SEPTIN7: variants seen among roughly 807,000 people sequenced by gnomAD.
SEPTIN7 encodes septin 7.
In SEPTIN7, 10 loss-of-function variants were observed where a neutral mutation model predicts 63.3. The observed-to-expected ratio is 0.16, with a 90% CI of 0.10 to 0.27. The LOEUF (loss-of-function observed/expected upper bound fraction) is 0.27. Ranked by LOEUF, SEPTIN7 falls within the 10% of genes least tolerant of loss-of-function variation. The pLI, the probability that SEPTIN7 is intolerant of heterozygous loss-of-function variation, is 1.00. For missense variants in SEPTIN7, 310 were observed against 521.0 expected (o/e 0.59, Z 3.94); for synonymous variants, 131 against 165.3 (o/e 0.79, Z 1.59).
chr7:35,874,612 G>A (rs957335929), intron 6 of SEPTIN7, among the ~76,000 whole-genome samples: 25 of 152,064 alleles, frequency 1.6e-4, no homozygotes, highest in Admixed American at 2.0e-4. Context: ...TCACATTACA[G>A]TAGTGTAAAC....
At chr7:35,907,641 C>T (rs1421286769), downstream of SEPTIN7, among the ~76,000 whole-genome samples, 1 of 152,116 alleles carries the variant, frequency 6.6e-6, no homozygotes, top group East Asian at 1.9e-4. Context: ...CTTGCAAGTA[C>T]CTGGTCTGCT....
chr7:35,876,349 C>T (rs1411359366), intron 6 of SEPTIN7, among the ~76,000 whole-genome samples: 1 of 151,968 alleles, frequency 6.6e-6, no homozygotes, highest in Non-Finnish European at 1.5e-5. Flanking sequence ...GCTTTTTTGT[C>T]ACTGGATTGA....
intron 3 of SEPTIN7, among the ~76,000 whole-genome samples, chr7:35,838,339 TC>T (rs1438894540): frequency 0.053 from 105 of 1,970 alleles, 11 homozygotes; most frequent in African/African-American, 0.16. Flanking sequence ...CCTCCCTCCC[TC>T]CCTCCCTCCC....
At chr7:35,859,709 G>A (rs1283349269) in intron 3 of SEPTIN7, among the ~76,000 whole-genome samples, 1 of 152,054 alleles carries the variant, frequency 6.6e-6, no homozygotes. Flanking sequence ...ACATCATCTT[G>A]GCAAAGTGAC....
chr7:35,908,450 G>T (rs2116421634), downstream of SEPTIN7, among the ~76,000 whole-genome samples: 1 of 152,272 alleles, frequency 6.6e-6, no homozygotes, highest in East Asian at 1.9e-4. Flanking sequence ...ACCTTGTTCT[G>T]CGCCAGGCTC....
Position 35,801,074 on chromosome 7 carries a change from T to A in SEPTIN7, c.-136T>A. 1.7e-6 allele frequency: 1 copy of A among 582,188 alleles called. No homozygotes were observed. Among genetic ancestry groups the A allele is most frequent in the South Asian group, 2.6e-5 (1 of 37,986 alleles). 36.1% of individuals were successfully genotyped at this position (582,188 alleles called of 1,614,324 possible). On this transcript the variant is annotated 5_prime_UTR_variant, in exon 1 of 14. Coordinates refer to ENST00000350320, the MANE Select transcript of SEPTIN7 (RefSeq NM_001788.6). Reference sequence around the variant, plus strand: ...GGAGCGGGAGTCGAGCGAGAGCCTGTGGAGGAGTCCGCCTGCTGTAGCGTG... The same window carrying A: ...GGAGCGGGAGTCGAGCGAGAGCCTGAGGAGGAGTCCGCCTGCTGTAGCGTG...
intron 1 of SEPTIN7, among the ~76,000 whole-genome samples, chr7:35,809,409 G>C (rs1788557496): frequency 6.6e-6 from 1 of 152,198 alleles, no homozygotes; most frequent in African/African-American, 2.4e-5. Flanking sequence ...ACACTGAGAT[G>C]TTAGCTTAAA....
At position 35,801,288 on chromosome 7, in the gene SEPTIN7, G is replaced by GC. The variant is rs59008252; in HGVS notation, c.61+18_61+19insC. The stretch of plus-strand genomic sequence containing the variant: ...CACCATGGGTGAGTCTCAGCTTCGG[G>GC]TGCCGCGACTTGGGGTCAGCGGCTC... On this transcript the variant is annotated intron_variant, in intron 1 of 13. Coordinates refer to ENST00000350320, the MANE Select transcript of SEPTIN7 (RefSeq NM_001788.6). 1,521,300 of 1,521,312 alleles carry GC rather than the reference G, an allele frequency of 1. 760,644 individuals carry two copies. Among genetic ancestry groups the GC allele is most frequent in the Middle Eastern group, 1 (4,952 of 4,952 alleles). 94.2% of individuals were successfully genotyped at this position (1,521,312 alleles called of 1,614,324 possible).
At chr7:35,863,049 G>A (rs185171776) in intron 3 of SEPTIN7, among the ~76,000 whole-genome samples, 191 of 152,148 alleles carry the variant, frequency 1.3e-3, no homozygotes, top group African/African-American at 4.5e-3. Context: ...TAGGCTGATG[G>A]GTGGCTGAAT....
At chr7:35,829,086 C>T (rs1468095444) in intron 1 of SEPTIN7, among the ~76,000 whole-genome samples, 1 of 150,830 alleles carries the variant, frequency 6.6e-6, no homozygotes, top group East Asian at 2.0e-4. Context: ...TATCACTCAT[C>T]CCCTTGTCCA....
At chr7:35,806,218 T>C (rs1018440969) in intron 1 of SEPTIN7, among the ~76,000 whole-genome samples, 3 of 152,256 alleles carry the variant, frequency 2.0e-5, no homozygotes, top group African/African-American at 7.2e-5. Context: ...TCTTACTTTT[T>C]ACTTCTTCCT....
intron 6 of SEPTIN7, among the ~76,000 whole-genome samples, chr7:35,879,361 G>A (rs1786690607): frequency 6.6e-6 from 1 of 152,104 alleles, no homozygotes; most frequent in South Asian, 2.1e-4. Flanking sequence ...GTGTGCACCT[G>A]TAGTCCCAGC....
At chr7:35,856,549 T>G (rs1446976827) in intron 3 of SEPTIN7, among the ~76,000 whole-genome samples, 1 of 152,236 alleles carries the variant, frequency 6.6e-6, no homozygotes, top group African/African-American at 2.4e-5. Context: ...TTTGTTCAGC[T>G]TTTTACTTCT....
intron 1 of SEPTIN7, among the ~76,000 whole-genome samples, chr7:35,828,997 A>G (rs1783664799): frequency 6.6e-6 from 1 of 152,244 alleles, no homozygotes; most frequent in African/African-American, 2.4e-5. Context: ...TATCATGCCT[A>G]AAATAACATC....
At chr7:35,895,007 G>A (rs1003888841) in intron 11 of SEPTIN7, among the ~76,000 whole-genome samples, 9 of 152,026 alleles carry the variant, frequency 5.9e-5, no homozygotes, top group African/African-American at 9.7e-5. Context: ...TTCATATTCC[G>A]GTTATGTTGT....
intron 10 of SEPTIN7, among the ~76,000 whole-genome samples, 176 bp downstream of exon 10, chr7:35,886,055 C>T (rs150169915): frequency 6.6e-6 from 1 of 152,084 alleles, no homozygotes; most frequent in Non-Finnish European, 1.5e-5. Flanking sequence ...AAGTCATGAG[C>T]AAAAGTTGCA....
chr7:35,896,897 C>A (rs1787988802), intron 11 of SEPTIN7, among the ~76,000 whole-genome samples: 1 of 152,154 alleles, frequency 6.6e-6, no homozygotes, highest in South Asian at 2.1e-4. Context: ...TTTGTTCTTG[C>A]CTTTTTGTTA....
chr7:35,864,121 G>A (rs749997788), intron 4 of SEPTIN7, among the ~76,000 whole-genome samples: 11 of 151,662 alleles, frequency 7.3e-5, no homozygotes, highest in Non-Finnish European at 1.2e-4. Flanking sequence ...TAGAGAAAAC[G>A]TGATTTATAG....
At chr7:35,815,452 C>T (rs186397712) in intron 1 of SEPTIN7, among the ~76,000 whole-genome samples, 1 of 152,308 alleles carries the variant, frequency 6.6e-6, no homozygotes, top group East Asian at 1.9e-4. Context: ...TCTATTAATG[C>T]AGAGTTCAAT....
Sources: gnomAD v4.1 joint callset for allele counts (sites outside exome capture counted in the v4.1 genomes callset) on GRCh38, gnomAD v4.1.1 for gene constraint, MANE v1.5 for transcripts, NCBI Gene and HGNC (gene_info 2026-07-23, HGNC 2026-07-21) for gene names.